The following TRMT2B variants were observed in gnomAD, a reference collection of about 807,000 sequenced individuals.
TRMT2B encodes tRNA methyltransferase 2B.
A neutral mutation model predicts 39.7 loss-of-function variants in TRMT2B; 34 were observed. The observed-to-expected ratio is 0.86, with a 90% CI of 0.65 to 1.14. The LOEUF (loss-of-function observed/expected upper bound fraction) is 1.14, where lower values mean the gene tolerates loss of function less well. Ranked by LOEUF, TRMT2B falls within the 50% of genes most tolerant of loss-of-function variation. The pLI is 0.00. For missense variants in TRMT2B, 318 were observed against 377.2 expected (o/e 0.84, Z 1.30); for synonymous variants, 132 against 137.3 (o/e 0.96, Z 0.27).
At chrX:101,030,965 A>G (rs2087421199) in intron 7 of TRMT2B, among the ~76,000 whole-genome samples, 1 of 108,949 alleles carries the variant, frequency 9.2e-6, no homozygotes, top group African/African-American at 3.5e-5. Flanking sequence ...TTAACTGGTC[A>G]AAGCCTCACT....
At position 101,025,804 on chromosome X, in the gene TRMT2B, C is replaced by G. The variant is rs1156884625; in HGVS notation, c.610-2188G>C. Among the ~76,000 whole-genome samples the G allele has an allele frequency of 6.3e-5, 7 of 110,500 alleles. No individual in the cohort carries two copies. In the Admixed American group the frequency reaches 6.9e-4, roughly 11 times the overall value. Reference sequence around the variant, plus strand: ...CAAAACCCCGTCTCTACTAAAAATACAAAATTTTGCCAGACATGGTGGCGG... The same window carrying G: ...CAAAACCCCGTCTCTACTAAAAATAGAAAATTTTGCCAGACATGGTGGCGG... On this transcript the variant is annotated intron_variant, in intron 7 of 13. Transcript: ENST00000372936.
intron 7 of TRMT2B, among the ~76,000 whole-genome samples, chrX:101,032,858 A>G (rs1433980624): frequency 9.2e-6 from 1 of 108,961 alleles, no homozygotes; most frequent in Non-Finnish European, 1.9e-5. Flanking sequence ...TGGGCCTAGG[A>G]TGGCAGACTC....
intron 2 of TRMT2B, chrX:101,043,480 G>GA (rs2088388648): frequency 8.9e-6 from 1 of 112,330 alleles, no homozygotes; most frequent in Non-Finnish European, 1.9e-5. Flanking sequence ...TGAGGCAGGA[G>GA]AATCACTTGA....
intron 2 of TRMT2B, among the ~76,000 whole-genome samples, chrX:101,050,736 T>C (rs1169752210): frequency 3.1e-5 from 3 of 97,887 alleles, no homozygotes; most frequent in African/African-American, 1.2e-4. Flanking sequence ...AAAATAAAAA[T>C]AAAAAATAAA....
the TRMT2B span, chrX:100,990,839 C>T: frequency 1.3e-5 from 4 of 310,611 alleles, no homozygotes; most frequent in Non-Finnish European, 2.3e-5. Flanking sequence ...GAATTATGCT[C>T]TACTGAATCA....
At chrX:100,998,483 AG>A in the TRMT2B span, among the ~76,000 whole-genome samples, 1 of 95,963 alleles carries the variant, frequency 1.0e-5, no homozygotes, top group Non-Finnish European at 2.0e-5. Flanking sequence ...TGAACCCAGG[AG>A]GTGGAAGTTG....
chrX:101,034,213 T>C (rs2148044177), intron 7 of TRMT2B, among the ~76,000 whole-genome samples: 1 of 100,767 alleles, frequency 9.9e-6, no homozygotes, highest in Non-Finnish European at 2.0e-5. Flanking sequence ...GCGATCTCAG[T>C]TCACTGCAAC....
chrX:101,035,613 C>T lies in TRMT2B; in HGVS notation c.609G>A (p.Gln203=), dbSNP rs779956582. 5.8e-6 allele frequency: 7 copies of T among 1,209,515 alleles called. No individual in the cohort carries two copies. Among genetic ancestry groups the T allele is most frequent in the Non-Finnish European group, 7.8e-6 (7 of 893,493 alleles). ...NIPEKHSQVA[Q]YYEVFLRQSP... is the part of the protein sequence containing the mutation. ...TCAACCAGCTCTTGTTCCATTTTAC[C>T]TGCGCCACTTGACTGTGTTTCTCAG... is the stretch of plus-strand genomic sequence containing the variant. The change falls in exon 7 of 14, where the codon CAG becomes CAA. Residue 203 remains glutamine (Q), a splice_region_variant and synonymous_variant. Transcript: ENST00000372936.
chrX:101,035,411 A>G (rs188134549), intron 7 of TRMT2B, among the ~76,000 whole-genome samples: 1 of 112,028 alleles, frequency 8.9e-6, no homozygotes, highest in African/African-American at 3.2e-5. Context: ...AATAATGGAC[A>G]CAGTTCTCTC....
chrX:101,005,880 CAAAAA>C (rs370275736), downstream of TRMT2B, among the ~76,000 whole-genome samples: 1 of 64,268 alleles, frequency 1.6e-5, no homozygotes. Flanking sequence ...GATTCCCACT[CAAAAA>C]AAAAAAAAAA....
At chrX:100,990,316 T>A in the TRMT2B span, 2 of 892,860 alleles carry the variant, frequency 2.2e-6, no homozygotes, top group African/African-American at 4.2e-5. Context: ...CTGACCTTTT[T>A]CTCTTTTTAC....
chrX:101,039,964 G>A (rs772253048), intron 4 of TRMT2B, among the ~76,000 whole-genome samples: 3 of 110,016 alleles, frequency 2.7e-5, no homozygotes, highest in Non-Finnish European at 5.7e-5. Flanking sequence ...CCCTGACAAT[G>A]ACCTGAAGTT....
At chrX:101,004,542 C>T (rs1192621735), downstream of TRMT2B, among the ~76,000 whole-genome samples, 1 of 109,984 alleles carries the variant, frequency 9.1e-6, no homozygotes, top group African/African-American at 3.3e-5. Flanking sequence ...GCTCTTGTTG[C>T]CCAGGCTAGA....
At position 101,009,763 on chromosome X, in the gene TRMT2B, C is replaced by T. The variant is rs1307792882; in HGVS notation, c.*818G>A. On this transcript the variant is annotated 3_prime_UTR_variant, in exon 14 of 14. Coordinates refer to ENST00000372936, the MANE Select transcript of TRMT2B (RefSeq NM_024917.6). ...ACCAAGAAAACCCAAAAGAATTAAT[C>T]TCATCTGATGATCACTCAGTCACCC... 1.0e-5 allele frequency: 1 copy of T among 100,180 alleles called. No homozygotes were observed. 8.3% of individuals were successfully genotyped at this position (100,180 alleles called of 1,213,427 possible).
chrX:100,991,013 C>CCT, the TRMT2B span, among the ~76,000 whole-genome samples: 4 of 111,776 alleles, frequency 3.6e-5, no homozygotes, highest in African/African-American at 1.3e-4. Flanking sequence ...TGCATTGATC[C>CCT]CTCTATCCCA....
At chrX:101,038,137 G>A (rs766663162) in intron 4 of TRMT2B, 86 bp from the exon 5 acceptor site, 20 of 857,506 alleles carry the variant, frequency 2.3e-5, no homozygotes, top group East Asian at 2.3e-4. Context: ...GGAGGCCGAG[G>A]TGCGTGGATC....
chrX:101,028,909 G>C (rs1295491778), intron 7 of TRMT2B, among the ~76,000 whole-genome samples: 1 of 111,327 alleles, frequency 9.0e-6, no homozygotes, highest in Non-Finnish European at 1.9e-5. Flanking sequence ...CTTCACCATA[G>C]TAAAATGTGC....
At chrX:100,988,323 C>T in the TRMT2B span, 380 of 1,196,668 alleles carry the variant, frequency 3.2e-4, 1 homozygote, top group African/African-American at 6.2e-3. Context: ...GTGACCAATC[C>T]CTGAACACGT....
At chrX:101,012,424 A>C in intron 13 of TRMT2B, among the ~76,000 whole-genome samples, 1 of 105,726 alleles carries the variant, frequency 9.5e-6, no homozygotes, top group South Asian at 4.5e-4. Context: ...TGCCCCCACT[A>C]ACTCATCATC....
Sources: allele counts gnomAD v4.1 joint callset (sites outside exome capture counted in the v4.1 genomes callset), GRCh38; gene constraint gnomAD v4.1.1; transcripts MANE v1.5; gene names NCBI Gene and HGNC (gene_info 2026-07-23, HGNC 2026-07-21).